The following ERC2 variants were observed in gnomAD, a reference collection of about 807,000 sequenced individuals.
ERC2 encodes the protein ELKS/RAB6-interacting/CAST family member 2, also known as ERC protein 2.
A neutral mutation model predicts 114.8 loss-of-function variants in ERC2; 42 were observed. The observed-to-expected ratio is 0.37, with a 90% CI of 0.29 to 0.47. The LOEUF is 0.47. Among genes scored for constraint, ERC2 ranks in the 20% least tolerant of loss-of-function variants. The probability of loss-of-function intolerance (pLI) is 0.99; values close to 1 mark genes in which losing one functional copy is unlikely to be tolerated. For synonymous variants in ERC2, 454 were observed against 425.5 expected (o/e 1.07, Z -0.82); for missense variants, 939 against 1,150.7 (o/e 0.82, Z 2.66).
At chr3:55,980,956 G>C in intron 12 of ERC2, among the ~76,000 whole-genome samples, 1 of 152,300 alleles carries the variant, frequency 6.6e-6, no homozygotes, top group East Asian at 1.9e-4. Context: ...AGAGGGTATA[G>C]AGTGCCAGAA....
chr3:56,144,975 T>C (rs566252020), intron 5 of ERC2, among the ~76,000 whole-genome samples: 1 of 152,140 alleles, frequency 6.6e-6, no homozygotes, highest in African/African-American at 2.4e-5. Context: ...TCTGTCTCTG[T>C]GACAGCCAGA....
At chr3:55,650,911 A>G (rs2060593252) in intron 17 of ERC2, among the ~76,000 whole-genome samples, 1 of 148,214 alleles carries the variant, frequency 6.7e-6, no homozygotes, top group African/African-American at 2.5e-5. Flanking sequence ...CGGTGGCGCG[A>G]TCTCAGCTCA....
intron 7 of ERC2, among the ~76,000 whole-genome samples, chr3:56,043,126 T>G (rs372611303): frequency 1.7e-4 from 26 of 152,260 alleles, no homozygotes; most frequent in African/African-American, 5.1e-4. Flanking sequence ...ACTCCTAATA[T>G]AGTGTAAAGT....
intron 17 of ERC2, among the ~76,000 whole-genome samples, chr3:55,551,015 CAA>C (rs368001324): frequency 1.6e-4 from 12 of 76,670 alleles, no homozygotes; most frequent in Non-Finnish European, 1.6e-4. Context: ...GACTCCGTCT[CAA>C]AAAAAAAAAA....
intron 14 of ERC2, among the ~76,000 whole-genome samples, chr3:55,795,619 T>C (rs1007969263): frequency 5.9e-5 from 9 of 152,170 alleles, no homozygotes; most frequent in Non-Finnish European, 1.2e-4. Context: ...TCTCCAAGAA[T>C]AGCTGGGTGG....
chr3:56,403,595 A>G (rs749835023), intron 2 of ERC2, among the ~76,000 whole-genome samples: 52 of 152,218 alleles, frequency 3.4e-4, no homozygotes, highest in Non-Finnish European at 6.8e-4. Context: ...GAAATAAAGA[A>G]TCCCAGGCCT....
intron 1 of ERC2, chr3:56,467,165 A>G (rs2063581736): frequency 1.3e-5 from 2 of 152,182 alleles, no homozygotes; most frequent in Admixed American, 6.5e-5. Flanking sequence ...GTTAAGTAAA[A>G]TCACTGATTT....
chr3:56,198,916 G>A (rs910979305), intron 3 of ERC2, among the ~76,000 whole-genome samples: 1 of 152,180 alleles, frequency 6.6e-6, no homozygotes, highest in Non-Finnish European at 1.5e-5. Context: ...CAGAAGTGGC[G>A]AATAGGAATG....
At chr3:56,373,005 TG>T (rs2059411143) in intron 2 of ERC2, among the ~76,000 whole-genome samples, 3 of 152,258 alleles carry the variant, frequency 2.0e-5, no homozygotes, top group Non-Finnish European at 2.9e-5. Flanking sequence ...CTGTTAATAC[TG>T]TATCAATTCT....
At chr3:55,906,431 C>CAAAAAA (rs368262866) in intron 13 of ERC2, among the ~76,000 whole-genome samples, 5 of 67,960 alleles carry the variant, frequency 7.4e-5, no homozygotes, top group Admixed American at 1.6e-4. Context: ...GACTCTGTCT[C>CAAAAAA]AAAAAAAAAA....
intron 15 of ERC2, among the ~76,000 whole-genome samples, chr3:55,729,778 C>A (rs1167408255): frequency 8.0e-6 from 1 of 125,034 alleles, no homozygotes; most frequent in Non-Finnish European, 1.6e-5. Flanking sequence ...TTGGAGCTTG[C>A]AGTGAGCTAT....
At chr3:56,230,393 T>C (rs2050541022) in intron 3 of ERC2, among the ~76,000 whole-genome samples, 1 of 152,162 alleles carries the variant, frequency 6.6e-6, no homozygotes, top group Non-Finnish European at 1.5e-5. Flanking sequence ...AAAGCAGGAC[T>C]GCATCCATGT....
intron 3 of ERC2, among the ~76,000 whole-genome samples, chr3:56,227,112 C>G (rs1275685415): frequency 2.0e-5 from 3 of 152,162 alleles, no homozygotes; most frequent in Non-Finnish European, 4.4e-5. Flanking sequence ...AGTCACTCAT[C>G]ATAACCACTC....
intron 1 of ERC2, among the ~76,000 whole-genome samples, chr3:56,449,514 A>G (rs2062736113): frequency 6.6e-6 from 1 of 152,242 alleles, no homozygotes; most frequent in Admixed American, 6.5e-5. Flanking sequence ...TTTTCATCAT[A>G]TCACTAAAAT....
chr3:55,655,084 A>C (rs1370078909), intron 17 of ERC2, among the ~76,000 whole-genome samples: 1 of 149,840 alleles, frequency 6.7e-6, no homozygotes, highest in Non-Finnish European at 1.5e-5. Flanking sequence ...GACCGTCAGG[A>C]ATGAAGACAC....
intron 3 of ERC2, among the ~76,000 whole-genome samples, chr3:56,222,250 A>C (rs2049960490): frequency 6.6e-6 from 1 of 152,236 alleles, no homozygotes; most frequent in African/African-American, 2.4e-5. Flanking sequence ...GATTAAAGTT[A>C]TAGATTATAT....
At chr3:55,567,484 G>C (rs77836423) in intron 17 of ERC2, among the ~76,000 whole-genome samples, 1 of 152,184 alleles carries the variant, frequency 6.6e-6, no homozygotes, top group South Asian at 2.1e-4. Context: ...GGTTTTTAGG[G>C]AGAGCTTGAT....
chr3:56,349,912 C>CAAAAAAAA (rs35271051), intron 2 of ERC2, among the ~76,000 whole-genome samples: 2 of 125,236 alleles, frequency 1.6e-5, no homozygotes, highest in African/African-American at 3.0e-5. Context: ...GACTCCGTCT[C>CAAAAAAAA]AAAAAAAAAA....
chr3:55,758,766 A>C (rs561213523), intron 14 of ERC2, among the ~76,000 whole-genome samples: 1 of 152,306 alleles, frequency 6.6e-6, no homozygotes, highest in South Asian at 2.1e-4. Context: ...ACTCCCTGCA[A>C]AAAGCTCAAA....
Sources: gnomAD v4.1 joint callset for allele counts (sites outside exome capture counted in the v4.1 genomes callset) on GRCh38, gnomAD v4.1.1 for gene constraint, MANE v1.5 for transcripts, NCBI Gene and HGNC (gene_info 2026-07-23, HGNC 2026-07-21) for gene names.